Variants in CACNA2D1 observed in about 807,000 individuals in gnomAD.
CACNA2D1 encodes calcium voltage-gated channel auxiliary subunit alpha2delta 1, also known as voltage-dependent calcium channel subunit alpha-2/delta-1.
Under a neutral mutation model 171.5 loss-of-function variants are expected in CACNA2D1, and 53 were observed. That is an observed-to-expected ratio of 0.31 (90% CI 0.25 to 0.39). CACNA2D1 has a LOEUF of 0.39. Ranked by LOEUF, CACNA2D1 falls within the 10% of genes least tolerant of loss-of-function variation. The pLI is 1.00. For missense variants in CACNA2D1, 903 were observed against 1,299.8 expected, an observed-to-expected ratio of 0.69 and a Z score of 4.69; for synonymous variants, 442 against 443.1, an observed-to-expected ratio of 1.00 and a Z score of 0.03.
intron 3 of CACNA2D1, among the ~76,000 whole-genome samples, chr7:82,172,524 C>A (rs962511002): frequency 2.6e-5 from 4 of 151,418 alleles, no homozygotes; most frequent in Non-Finnish European, 5.9e-5. Flanking sequence ...GCAATCATAG[C>A]TCCCTGCAGC....
In CACNA2D1 at chr7:82,140,106, T is replaced by TA. The variant is rs1345379522; in HGVS notation, c.355-3431dup. On this transcript the variant is annotated intron_variant, in intron 4 of 38. Coordinates refer to ENST00000356860, the MANE Select transcript of CACNA2D1 (RefSeq NM_000722.4). ...ATGCCCGGCCTTGACATTTCCATTC[T>TA]AAAAGAGTTCTTTCTCAATATATCA... Among the ~76,000 whole-genome samples, 11 of 152,230 alleles carry TA rather than the reference T, an allele frequency of 7.2e-5. No individual in the cohort carries two copies. In the East Asian group the frequency reaches 2.1e-3, roughly 29 times the overall value.
At chr7:82,440,151 C>T (rs927201272) in intron 1 of CACNA2D1, among the ~76,000 whole-genome samples, 2 of 151,858 alleles carry the variant, frequency 1.3e-5, no homozygotes, top group Admixed American at 1.3e-4. Flanking sequence ...TATATTTATA[C>T]CATTGTACAC....
chr7:82,174,056 A>G (rs1796310320), intron 3 of CACNA2D1, among the ~76,000 whole-genome samples: 1 of 150,656 alleles, frequency 6.6e-6, no homozygotes, highest in Admixed American at 6.6e-5. Context: ...AAAAAAAAAA[A>G]AAAAAAAAAA....
At chr7:82,402,666 A>G (rs1362954588) in intron 1 of CACNA2D1, among the ~76,000 whole-genome samples, 1 of 144,462 alleles carries the variant, frequency 6.9e-6, no homozygotes, top group East Asian at 2.1e-4. Context: ...AGCCCAGATC[A>G]CTGCACTTCA....
chr7:82,333,284 A>C (rs951352389), intron 3 of CACNA2D1, among the ~76,000 whole-genome samples: 2 of 152,174 alleles, frequency 1.3e-5, no homozygotes, highest in African/African-American at 4.8e-5. Flanking sequence ...AAGTTTAAGA[A>C]TACTCAAGAT....
intron 7 of CACNA2D1, among the ~76,000 whole-genome samples, chr7:82,068,313 G>C (rs1225701225): frequency 6.6e-6 from 1 of 152,068 alleles, no homozygotes; most frequent in Admixed American, 6.6e-5. Flanking sequence ...TGGAACCTCA[G>C]AGGGTAAATT....
intron 5 of CACNA2D1, among the ~76,000 whole-genome samples, chr7:82,117,660 G>T (rs1446959155): frequency 1.3e-5 from 2 of 152,004 alleles, no homozygotes; most frequent in African/African-American, 4.8e-5. Flanking sequence ...TGGCAGCACA[G>T]GCCTGTAGTC....
At chr7:82,300,718 GA>G (rs1333200736) in intron 3 of CACNA2D1, among the ~76,000 whole-genome samples, 1 of 151,928 alleles carries the variant, frequency 6.6e-6, no homozygotes, top group Non-Finnish European at 1.5e-5. Flanking sequence ...CAGCAATTCA[GA>G]ATACTGAGAA....
chr7:82,379,577 T>C (rs1823454262), intron 1 of CACNA2D1, among the ~76,000 whole-genome samples: 1 of 152,194 alleles, frequency 6.6e-6, no homozygotes, highest in Admixed American at 6.5e-5. Context: ...GTGTCTATAC[T>C]TGTTGTCCTG....
chr7:82,397,995 G>C (rs1825923003), intron 1 of CACNA2D1, among the ~76,000 whole-genome samples: 1 of 152,206 alleles, frequency 6.6e-6, no homozygotes. Context: ...AGAGATACCA[G>C]TGGGATAGGA....
chr7:82,228,751 G>A (rs964461860), intron 3 of CACNA2D1, among the ~76,000 whole-genome samples: 5 of 151,990 alleles, frequency 3.3e-5, no homozygotes, highest in East Asian at 3.9e-4. Context: ...CACTGCAAAC[G>A]TTTTATTATT....
chr7:82,147,731 T>C (rs1233781740), intron 4 of CACNA2D1, among the ~76,000 whole-genome samples: 1 of 152,188 alleles, frequency 6.6e-6, no homozygotes, highest in Non-Finnish European at 1.5e-5. Context: ...TCCAGATTAT[T>C]ATCCTACTAA....
intron 10 of CACNA2D1, among the ~76,000 whole-genome samples, chr7:82,060,177 T>TTATATTATATATATATATAA (rs1806531331): frequency 6.2e-5 from 1 of 16,056 alleles, no homozygotes; most frequent in African/African-American, 1.7e-4. Context: ...TATATATATA[T>TTATATTATATATATATATAA]AATATATATA....
intron 6 of CACNA2D1, among the ~76,000 whole-genome samples, chr7:82,110,983 T>G (rs1455552982): frequency 2.0e-5 from 3 of 152,098 alleles, no homozygotes; most frequent in African/African-American, 7.2e-5. Flanking sequence ...ATTTTGACCA[T>G]TTAGTCAGTG....
At chr7:82,378,088 A>G (rs921049754) in intron 1 of CACNA2D1, among the ~76,000 whole-genome samples, 1 of 152,174 alleles carries the variant, frequency 6.6e-6, no homozygotes, top group Non-Finnish European at 1.5e-5. Flanking sequence ...AAATAAAATA[A>G]TGGATTAAAT....
intron 12 of CACNA2D1, 85 bp from the exon 13 acceptor site, chr7:82,014,564 A>C: frequency 1.3e-6 from 1 of 774,570 alleles, no homozygotes; most frequent in Non-Finnish European, 2.3e-6. Flanking sequence ...TTTCTATTGA[A>C]AAGAGTGCTT....
chr7:82,382,693 T>TA lies in CACNA2D1; in HGVS notation c.96-33045dup, dbSNP rs75010736. Among the ~76,000 whole-genome samples, 83 of 152,334 alleles carry TA rather than the reference T, an allele frequency of 5.4e-4. No homozygotes were observed. In the East Asian group the frequency reaches 0.012, roughly 21 times the overall value. ...AAGTGTAAGGGGACCACCTCCTCCA[T>TA]AATGCGCTTTGTGAAACGGTAAATG... On this transcript the variant is annotated intron_variant, in intron 1 of 38. Coordinates refer to ENST00000356860, the MANE Select transcript of CACNA2D1 (RefSeq NM_000722.4).
At chr7:82,238,054 A>G (rs998577662) in intron 3 of CACNA2D1, among the ~76,000 whole-genome samples, 1 of 152,022 alleles carries the variant, frequency 6.6e-6, no homozygotes, top group Non-Finnish European at 1.5e-5. Context: ...CATGTTAAAT[A>G]AAATAGATAC....
chr7:82,289,716 A>G (rs1315032118), intron 3 of CACNA2D1, among the ~76,000 whole-genome samples: 1 of 152,252 alleles, frequency 6.6e-6, no homozygotes, highest in Non-Finnish European at 1.5e-5. Flanking sequence ...CATCTTTGAG[A>G]AAACTCTAAT....
Sources: allele counts gnomAD v4.1 joint callset (sites outside exome capture counted in the v4.1 genomes callset), GRCh38; gene constraint gnomAD v4.1.1; transcripts MANE v1.5; gene names NCBI Gene and HGNC (gene_info 2026-07-23, HGNC 2026-07-21).